The following ST3GAL1 variants were observed in gnomAD, a reference collection of about 807,000 sequenced individuals.
ST3GAL1 encodes the protein CMP-N-acetylneuraminate-beta-galactosamide-alpha-2,3-sialyltransferase 1.
In ST3GAL1, 16 loss-of-function variants were observed where a neutral mutation model predicts 34.1. The observed-to-expected ratio is 0.47, with a 90% CI of 0.32 to 0.71. The LOEUF (loss-of-function observed/expected upper bound fraction) is 0.71, where lower values mean the gene tolerates loss of function less well. Among genes scored for constraint, ST3GAL1 ranks in the 30% least tolerant of loss-of-function variants. ST3GAL1 has a pLI of 0.04. For missense variants in ST3GAL1, 353 were observed against 447.4 expected, an observed-to-expected ratio of 0.79 and a Z score of 1.90; for synonymous variants, 191 against 184.7, an observed-to-expected ratio of 1.03 and a Z score of -0.28.
intron 1 of ST3GAL1, among the ~76,000 whole-genome samples, chr8:133,568,650 C>T (rs1366945549): frequency 6.6e-6 from 1 of 152,162 alleles, no homozygotes; most frequent in Non-Finnish European, 1.5e-5. Flanking sequence ...GGCCAAAGCT[C>T]TACCCAAATA....
At chr8:133,465,035 G>A (rs1815682742) in intron 6 of ST3GAL1, 78 bp from the exon 7 acceptor site, 11 of 1,473,106 alleles carry the variant, frequency 7.5e-6, no homozygotes, top group Non-Finnish European at 9.2e-6. Context: ...CCGAGAGAGT[G>A]AGCCTCCAGT....
intron 1 of ST3GAL1, among the ~76,000 whole-genome samples, chr8:133,565,275 G>A (rs1418375855): frequency 1.5e-4 from 23 of 152,000 alleles, no homozygotes; most frequent in Admixed American, 1.4e-3. Flanking sequence ...GCCTTTGGCT[G>A]CTGGGTGGGC....
chr8:133,481,317 C>T (rs954663792), intron 3 of ST3GAL1, among the ~76,000 whole-genome samples: 11 of 152,210 alleles, frequency 7.2e-5, no homozygotes, highest in Non-Finnish European at 1.5e-4. Context: ...CTGGTTTACT[C>T]TTACCCCTGG....
chr8:133,520,379 G>T (rs112652138), intron 2 of ST3GAL1, among the ~76,000 whole-genome samples: 1 of 152,166 alleles, frequency 6.6e-6, no homozygotes, highest in Non-Finnish European at 1.5e-5. Flanking sequence ...AAGTTTCTGC[G>T]TCTTGACACT....
intron 3 of ST3GAL1, among the ~76,000 whole-genome samples, chr8:133,494,610 C>T (rs1286349495): frequency 6.6e-6 from 1 of 152,146 alleles, no homozygotes; most frequent in Non-Finnish European, 1.5e-5. Flanking sequence ...TCTGCACACC[C>T]ACAATGCAAT....
At chr8:133,554,856 AC>A in intron 1 of ST3GAL1, among the ~76,000 whole-genome samples, 1 of 149,902 alleles carries the variant, frequency 6.7e-6, no homozygotes, top group East Asian at 2.0e-4. Flanking sequence ...CCTCCTGAGC[AC>A]CTGGAATTAC....
rs117393320 is a variant in ST3GAL1, at chr8:133,561,501, C to T, written c.-582+10192G>A. On this transcript the variant is annotated intron_variant, in intron 1 of 9. Transcript: ENST00000522652. ...TCTTGGCCAAGTCAGCTTGTGGTTC[C>T]GGTTCACTCCTATTTCACATGAACT... Among the ~76,000 whole-genome samples the T allele has an allele frequency of 7.9e-5, 12 of 152,132 alleles. No homozygotes were observed. The East Asian group carries it at 1.4e-3, about 17-fold the overall frequency.
chr8:133,488,534 C>CT (rs1410290782), intron 3 of ST3GAL1: 1 of 152,254 alleles, frequency 6.6e-6, no homozygotes, highest in Non-Finnish European at 1.5e-5. Flanking sequence ...GGTTTTGAAC[C>CT]TGGCAGCCTC....
At chr8:133,562,528 C>A (rs1395359123) in intron 1 of ST3GAL1, among the ~76,000 whole-genome samples, 2 of 152,124 alleles carry the variant, frequency 1.3e-5, no homozygotes, top group African/African-American at 4.8e-5. Context: ...TCTTTATCTG[C>A]AAAATCAGGA....
chr8:133,507,478 G>A (rs900902232), intron 2 of ST3GAL1, among the ~76,000 whole-genome samples: 3 of 152,208 alleles, frequency 2.0e-5, no homozygotes, highest in African/African-American at 4.8e-5. Context: ...GTATTCCCAG[G>A]AAGGTATTTC....
rs993427735 is a variant in ST3GAL1, at chr8:133,498,505, GT to G, written c.-374+629del. On this transcript the variant is annotated intron_variant, in intron 3 of 9. Coordinates refer to ENST00000522652, the MANE Select transcript of ST3GAL1 (RefSeq NM_173344.3). ...GATCTGTCAACCTCGTGTTTGGAGG[GT>G]TTTTTTTTTCTCTAGCTGAGCTCTG... Among the ~76,000 whole-genome samples, 52 of 149,800 alleles carry G rather than the reference GT, an allele frequency of 3.5e-4. 1 individual carries two copies. The highest frequency in any genetic ancestry group is 3.5e-3 in the Middle Eastern group (1 of 286).
chr8:133,471,502 G>T (rs1223030972), intron 5 of ST3GAL1, among the ~76,000 whole-genome samples: 1 of 152,208 alleles, frequency 6.6e-6, no homozygotes, highest in African/African-American at 2.4e-5. Flanking sequence ...TTCTATAATG[G>T]TTCTATGAGA....
intron 2 of ST3GAL1, among the ~76,000 whole-genome samples, chr8:133,540,360 C>T (rs1048761101): frequency 6.6e-6 from 1 of 152,132 alleles, no homozygotes; most frequent in African/African-American, 2.4e-5. Flanking sequence ...CCCTGGCCTG[C>T]ATTCGGTCTC....
At chr8:133,537,572 A>G (rs1818345525) in intron 2 of ST3GAL1, among the ~76,000 whole-genome samples, 1 of 152,180 alleles carries the variant, frequency 6.6e-6, no homozygotes, top group African/African-American at 2.4e-5. Context: ...TCATCCTAAC[A>G]CTACACTGCC....
rs145095744 is a variant in ST3GAL1, at chr8:133,541,152, G to C, written c.-429+4622C>G. 0.013 allele frequency among the ~76,000 whole-genome samples: 1,827 copies of C among 136,620 alleles called. 142 individuals are homozygous for C. In the East Asian group the frequency reaches 0.19, roughly 14 times the overall value. The allele number at this position is 136,620 out of a possible 152,430, so 89.6% of individuals were successfully genotyped here. On this transcript the variant is annotated intron_variant, in intron 2 of 9. Coordinates refer to ENST00000522652, the MANE Select transcript of ST3GAL1 (RefSeq NM_173344.3). ...AGAGAGAGAGAGAGAGAGAGAGAGAGACTGTGTGTCTCTCCCTCTTTCTCA... is the reference window on the plus strand; with the variant it reads ...AGAGAGAGAGAGAGAGAGAGAGAGACACTGTGTGTCTCTCCCTCTTTCTCA...
intron 2 of ST3GAL1, among the ~76,000 whole-genome samples, chr8:133,499,803 G>C (rs1314479425): frequency 6.6e-6 from 1 of 152,178 alleles, no homozygotes; most frequent in African/African-American, 2.4e-5. Context: ...AGGGCAGAAT[G>C]GGGACTGGAA....
At chr8:133,460,037 T>A in intron 9 of ST3GAL1, 100 bp from the exon 10 acceptor site, 1 of 1,297,764 alleles carries the variant, frequency 7.7e-7, no homozygotes, top group Non-Finnish European at 1.1e-6. Context: ...CACAGGACCA[T>A]AAACAGCATT....
intron 1 of ST3GAL1, among the ~76,000 whole-genome samples, chr8:133,553,362 C>A (rs991111637): frequency 1.3e-5 from 2 of 152,192 alleles, no homozygotes; most frequent in African/African-American, 4.8e-5. Context: ...TGCCCGTGTG[C>A]CTCTGGAAGC....
Position 133,539,967 on chromosome 8 carries a change from T to C in ST3GAL1, c.-429+5807A>G, listed in dbSNP as rs78977885. ...TCTTGAGGACATAGCTCTCATCTTA[T>C]TCTGTTTTACCTCCAGTGCTCAGCC... On this transcript the variant is annotated intron_variant, in intron 2 of 9. Coordinates refer to ENST00000522652, the MANE Select transcript of ST3GAL1 (RefSeq NM_173344.3). 0.018 allele frequency among the ~76,000 whole-genome samples: 2,796 copies of C among 152,252 alleles called. 161 individuals are homozygous for C. The East Asian group carries it at 0.22, about 12-fold the overall frequency.
Sources: allele counts gnomAD v4.1 joint callset (sites outside exome capture counted in the v4.1 genomes callset), GRCh38; gene constraint gnomAD v4.1.1; transcripts MANE v1.5; gene names NCBI Gene and HGNC (gene_info 2026-07-23, HGNC 2026-07-21).